COL4A5: variants seen among roughly 807,000 people sequenced by gnomAD.
COL4A5 encodes the protein collagen type IV alpha 5 chain.
A neutral mutation model predicts 130.2 loss-of-function variants in COL4A5; 26 were observed. The observed-to-expected ratio is 0.20, with a 90% confidence interval of 0.15 to 0.28. The LOEUF (loss-of-function observed/expected upper bound fraction) is 0.28, where lower values mean the gene tolerates loss of function less well. COL4A5 is among the 10% of genes least tolerant of loss of function. COL4A5 has a pLI of 1.00. For missense variants in COL4A5, 1,131 were observed against 1,344.3 expected (o/e 0.84, Z 2.48); for synonymous variants, 496 against 439.6 (o/e 1.13, Z -1.60).
Position 108,665,491 on chromosome X carries a change from G to T in COL4A5, c.3374-16G>T. 1 of 1,159,665 alleles carries T rather than the reference G, an allele frequency of 8.6e-7. No homozygotes were observed. The highest frequency in any genetic ancestry group is 1.8e-5 in the African/African-American group (1 of 56,661). ...GCAGTTTTTCTTTCATTTTTAAATT[G>T]AGCTCTTTACTCTAGGAACCCCAGG... On this transcript the variant is annotated splice_polypyrimidine_tract_variant and intron_variant, in intron 37 of 52. Coordinates refer to ENST00000328300, the MANE Select transcript of COL4A5 (RefSeq NM_033380.3).
chrX:108,579,806 G>A (rs1013163040), intron 13 of COL4A5, among the ~76,000 whole-genome samples: 4 of 111,466 alleles, frequency 3.6e-5, no homozygotes, highest in Non-Finnish European at 7.5e-5. Context: ...TATGCCGTGT[G>A]ACCCCAAAAT....
chrX:108,660,858 G>A lies in COL4A5; in HGVS notation c.3374-4649G>A, dbSNP rs191526360. Among the ~76,000 whole-genome samples the A allele has an allele frequency of 4.2e-3, 464 of 111,766 alleles. 2 individuals carry two copies. Among genetic ancestry groups the A allele is most frequent in the African/African-American group, 0.014 (430 of 30,832 alleles). Reference sequence around the variant, plus strand: ...AACATTTTGGTCAACAACAAACCACGTATATGGTGGTGGTCTCATATGATT... The same window carrying A: ...AACATTTTGGTCAACAACAAACCACATATATGGTGGTGGTCTCATATGATT... On this transcript the variant is annotated intron_variant, in intron 37 of 52. Transcript: ENST00000328300.
chrX:108,694,492 T>G, intron 50 of COL4A5: 1 of 303,919 alleles, frequency 3.3e-6, no homozygotes, highest in Non-Finnish European at 5.9e-6. Flanking sequence ...GTATGTGCAA[T>G]ACACCAAACC....
chrX:108,545,284 G>T (rs183832783), intron 2 of COL4A5, among the ~76,000 whole-genome samples: 1 of 111,226 alleles, frequency 9.0e-6, no homozygotes, highest in Non-Finnish European at 1.9e-5. Flanking sequence ...CTTTAAATAT[G>T]TCCCAGAGAT....
intron 29 of COL4A5, among the ~76,000 whole-genome samples, chrX:108,612,608 C>T (rs1252289024): frequency 3.6e-5 from 4 of 111,644 alleles, no homozygotes; most frequent in Non-Finnish European, 5.7e-5. Context: ...AATGTGCAGG[C>T]TTTGTATGTG....
At chrX:108,473,685 G>A (rs1423505825) in intron 1 of COL4A5, among the ~76,000 whole-genome samples, 1 of 85,824 alleles carries the variant, frequency 1.2e-5, no homozygotes, top group East Asian at 3.3e-4. Context: ...AGGCTGGAGT[G>A]CAGTGGTGCA....
intron 29 of COL4A5, among the ~76,000 whole-genome samples, chrX:108,614,434 T>G (rs2066889555): frequency 2.7e-5 from 3 of 110,510 alleles, no homozygotes. Context: ...AAAGTGGGAG[T>G]GACAGAGGGA....
intron 4 of COL4A5, among the ~76,000 whole-genome samples, chrX:108,566,710 G>T (rs1286233467): frequency 9.1e-6 from 1 of 110,152 alleles, no homozygotes; most frequent in African/African-American, 3.3e-5. Flanking sequence ...CACAACGCCC[G>T]GCTAATTTTT....
intron 1 of COL4A5, among the ~76,000 whole-genome samples, chrX:108,510,972 C>T (rs897420672): frequency 1.8e-5 from 2 of 111,040 alleles, no homozygotes; most frequent in African/African-American, 3.3e-5. Context: ...TTTATTATTT[C>T]TTCATGTGGT....
intron 36 of COL4A5, among the ~76,000 whole-genome samples, chrX:108,646,491 G>C (rs1338334964): frequency 9.0e-6 from 1 of 111,161 alleles, no homozygotes; most frequent in Non-Finnish European, 1.9e-5. Flanking sequence ...CCCTTTGTCA[G>C]ATGAGTAGAT....
At chrX:108,572,693 ACCACTACTCCG>A (rs1447128148) in intron 8 of COL4A5, among the ~76,000 whole-genome samples, 1 of 111,137 alleles carries the variant, frequency 9.0e-6, no homozygotes, top group African/African-American at 3.3e-5. Context: ...TCTTTTTTTC[ACCACTACTCCG>A]CCCTTACCTC....
intron 1 of COL4A5, among the ~76,000 whole-genome samples, chrX:108,497,399 C>T (rs1049741360): frequency 9.0e-6 from 1 of 111,350 alleles, no homozygotes; most frequent in African/African-American, 3.3e-5. Flanking sequence ...TAGATTTCCA[C>T]GTGATGTGGT....
chrX:108,599,952 A>T (rs1163670834), intron 25 of COL4A5, among the ~76,000 whole-genome samples: 1 of 112,306 alleles, frequency 8.9e-6, no homozygotes, highest in Non-Finnish European at 1.9e-5. Flanking sequence ...CTCTATCCAG[A>T]CCAATTGTAC....
At chrX:108,610,169 T>TA (rs1219833786) in intron 29 of COL4A5, among the ~76,000 whole-genome samples, 1 of 110,849 alleles carries the variant, frequency 9.0e-6, no homozygotes, top group Non-Finnish European at 1.9e-5. Flanking sequence ...GATTTTGAGT[T>TA]ATCTAATAAT....
chrX:108,508,450 C>T (rs1431191387), intron 1 of COL4A5, among the ~76,000 whole-genome samples: 3 of 107,344 alleles, frequency 2.8e-5, no homozygotes, highest in Admixed American at 1.0e-4. Flanking sequence ...ATCATTAAAA[C>T]GGCCACACTG....
At chrX:108,506,078 A>G (rs2065120690) in intron 1 of COL4A5, among the ~76,000 whole-genome samples, 1 of 111,924 alleles carries the variant, frequency 8.9e-6, no homozygotes, top group South Asian at 3.7e-4. Flanking sequence ...GTCATAGTTG[A>G]CTAATGGGAG....
intron 39 of COL4A5, 44 bp from the exon 40 acceptor site, chrX:108,667,089 T>C: frequency 8.5e-7 from 1 of 1,178,981 alleles, no homozygotes; most frequent in Non-Finnish European, 1.2e-6. Context: ...CAGTTTGTAT[T>C]ATCCACTTGA....
intron 1 of COL4A5, among the ~76,000 whole-genome samples, chrX:108,470,985 C>T (rs1260876477): frequency 9.0e-6 from 1 of 111,226 alleles, no homozygotes; most frequent in Non-Finnish European, 1.9e-5. Context: ...GGGTTCTTTA[C>T]CCTGTTCCAT....
chrX:108,681,474 C>T (rs767266340), intron 46 of COL4A5, among the ~76,000 whole-genome samples: 1 of 110,734 alleles, frequency 9.0e-6, no homozygotes, highest in Non-Finnish European at 1.9e-5. Context: ...CCAGTGTTCA[C>T]AGATTTGAAC....
Sources: gnomAD v4.1 joint callset for allele counts (sites outside exome capture counted in the v4.1 genomes callset) on GRCh38, gnomAD v4.1.1 for gene constraint, MANE v1.5 for transcripts, NCBI Gene and HGNC (gene_info 2026-07-23, HGNC 2026-07-21) for gene names.